Variants in TTLL13 observed in about 807,000 individuals in gnomAD.
TTLL13 encodes tubulin polyglutamylase TTLL13.
At chr15:90,249,712 G>A in the TTLL13 span, 1 of 152,252 alleles carries the variant, frequency 6.6e-6, no homozygotes, top group East Asian at 1.9e-4. Context: ...GGGAGACCTG[G>A]AGCCGGGGGA....
the TTLL13 span, chr15:90,258,997 A>G: frequency 6.2e-7 from 1 of 1,610,638 alleles, no homozygotes; most frequent in South Asian, 1.1e-5. Flanking sequence ...CTTTAGATGA[A>G]GAATGTGGCC....
the TTLL13 span, among the ~76,000 whole-genome samples, chr15:90,256,597 C>CTT: frequency 2.8e-5 from 1 of 35,256 alleles, no homozygotes; most frequent in African/African-American, 1.1e-4. Context: ...TTCTTTCTTT[C>CTT]TTTCTTTCTT....
At chr15:90,257,802 C>G in the TTLL13 span, 1 of 1,398,732 alleles carries the variant, frequency 7.1e-7, no homozygotes, top group Non-Finnish European at 1.0e-6. Context: ...CAAGCTGGCT[C>G]TTGGGAGGCT....
chr15:90,262,819 T>C, the TTLL13 span: 6 of 1,224,680 alleles, frequency 4.9e-6, no homozygotes, highest in Non-Finnish European at 4.4e-6. Context: ...CTTTGGAAGA[T>C]GAAGTGAGAG....
chr15:90,263,551 C>T, the TTLL13 span: 2 of 549,712 alleles, frequency 3.6e-6, no homozygotes, highest in African/African-American at 1.9e-5. Flanking sequence ...AACAAAAGAG[C>T]TGCCGCTTTC....
chr15:90,258,426 C>T, the TTLL13 span: 6 of 693,406 alleles, frequency 8.7e-6, no homozygotes, highest in African/African-American at 9.0e-5. Flanking sequence ...AGATCTCTAC[C>T]CTTTTGACCT....
the TTLL13 span, chr15:90,264,033 C>A: frequency 6.5e-7 from 1 of 1,535,736 alleles, no homozygotes; most frequent in Non-Finnish European, 8.7e-7. Flanking sequence ...GCTATTTTTC[C>A]AGTGCCAGAA....
At chr15:90,261,969 A>G in the TTLL13 span, 3 of 1,479,036 alleles carry the variant, frequency 2.0e-6, no homozygotes, top group Non-Finnish European at 2.7e-6. Flanking sequence ...ACATTCCCAC[A>G]GCCCTACTCT....
At chr15:90,257,485 T>C in the TTLL13 span, 1 of 954,380 alleles carries the variant, frequency 1.0e-6, no homozygotes. Context: ...CACACACTCT[T>C]CCCCAGGATC....
the TTLL13 span, chr15:90,250,548 T>G: frequency 2.7e-6 from 4 of 1,502,042 alleles, no homozygotes; most frequent in Non-Finnish European, 3.6e-6. Context: ...GGTGGATTCC[T>G]TCAGGCCTTC....
chr15:90,258,913 G>A, the TTLL13 span: 4 of 1,614,174 alleles, frequency 2.5e-6, no homozygotes, highest in South Asian at 1.1e-5. Flanking sequence ...GCTACCGACA[G>A]CCACGAGAAT....
the TTLL13 span, among the ~76,000 whole-genome samples, chr15:90,250,148 G>A: frequency 6.6e-6 from 1 of 151,796 alleles, no homozygotes; most frequent in Admixed American, 6.6e-5. Context: ...TAGGAGAGAC[G>A]GGATTTCACC....
chr15:90,261,395 T>C, the TTLL13 span, among the ~76,000 whole-genome samples: 3 of 144,296 alleles, frequency 2.1e-5, no homozygotes, highest in Non-Finnish European at 4.6e-5. Flanking sequence ...TTTTTTTTTT[T>C]CAAATGGAAA....
At chr15:90,262,180 G>T in the TTLL13 span, 1 of 1,533,114 alleles carries the variant, frequency 6.5e-7, no homozygotes, top group East Asian at 2.4e-5. Flanking sequence ...AGGCCAGAGA[G>T]GAGTGTGCCA....
chr15:90,263,900 C>T, the TTLL13 span: 3 of 1,298,102 alleles, frequency 2.3e-6, no homozygotes, highest in Non-Finnish European at 3.2e-6. Flanking sequence ...GGGGCACTGC[C>T]AAGCATGAAT....
At chr15:90,264,771 C>A in the TTLL13 span, 5 of 1,536,116 alleles carry the variant, frequency 3.3e-6, no homozygotes, top group Non-Finnish European at 4.4e-6. Context: ...CTGGCAGGAT[C>A]AGTGCCACCC....
the TTLL13 span, among the ~76,000 whole-genome samples, chr15:90,261,521 G>A: frequency 1.1e-4 from 17 of 152,036 alleles, no homozygotes; most frequent in African/African-American, 3.9e-4. Flanking sequence ...GGCCGAGTAC[G>A]GTGGCTCACA....
At chr15:90,258,758 A>G in the TTLL13 span, 51 of 1,614,064 alleles carry the variant, frequency 3.2e-5, no homozygotes, top group Non-Finnish European at 4.2e-5. Flanking sequence ...CCACTCTCCA[A>G]GCTTTACCAC....
At chr15:90,257,715 A>C in the TTLL13 span, 3 of 1,614,082 alleles carry the variant, frequency 1.9e-6, no homozygotes, top group Admixed American at 3.3e-5. Flanking sequence ...CGCTGTGGGC[A>C]GTAAGAGGTA....
Sources: gnomAD v4.1 joint callset for allele counts (sites outside exome capture counted in the v4.1 genomes callset) on GRCh38, gnomAD v4.1.1 for gene constraint, MANE v1.5 for transcripts, NCBI Gene and HGNC (gene_info 2026-07-23, HGNC 2026-07-21) for gene names.